The following LIPN variants were observed in gnomAD, a reference collection of about 807,000 sequenced individuals.
The protein encoded by LIPN is lipase member N.
LIPN carries 32 observed loss-of-function variants against 43.7 expected under a neutral mutation model. That is an observed-to-expected ratio of 0.73 (90% CI 0.55 to 0.98). The LOEUF (loss-of-function observed/expected upper bound fraction) is 0.98, where lower values mean the gene tolerates loss of function less well. Ranked by LOEUF, LIPN falls within the 50% of genes least tolerant of loss-of-function variation. LIPN has a pLI of 0.00. For missense variants in LIPN, 505 were observed against 483.8 expected (o/e 1.04, Z -0.41); for synonymous variants, 156 against 157.6 (o/e 0.99, Z 0.08).
At chr10:88,760,626 T>G (rs1038753840) in intron 1 of LIPN, among the ~76,000 whole-genome samples, 2 of 152,158 alleles carry the variant, frequency 1.3e-5, no homozygotes, top group Non-Finnish European at 2.9e-5. Flanking sequence ...AAATGTTATA[T>G]ATGACTTAAT....
chr10:88,766,171 C>T lies in LIPN; in HGVS notation c.426-98C>T. 11 of 681,092 alleles carry T rather than the reference C, an allele frequency of 1.6e-5. No individual in the cohort carries two copies. In the South Asian group the frequency reaches 2.0e-4, roughly 12 times the overall value. The allele number at this position is 681,092 out of a possible 1,614,324, so 42.2% of individuals were successfully genotyped here. ...GAAATACACATTGAATCTAAGTAAA[C>T]AGCATAGAATCTGGGTGTAAAAAAG... is the stretch of plus-strand genomic sequence containing the variant. On this transcript the variant is annotated intron_variant, in intron 4 of 9. Coordinates refer to ENST00000404459, the MANE Select transcript of LIPN (RefSeq NM_001102469.2).
chr10:88,757,722 G>T (rs549809683), upstream of LIPN, among the ~76,000 whole-genome samples: 1 of 152,032 alleles, frequency 6.6e-6, no homozygotes, highest in Non-Finnish European at 1.5e-5. Context: ...TCCCAACTTC[G>T]CTTTGAGTAA....
At chr10:88,766,548 G>T (rs1174641309) in intron 5 of LIPN, among the ~76,000 whole-genome samples, 170 bp downstream of exon 5, 4 of 151,896 alleles carry the variant, frequency 2.6e-5, no homozygotes, top group Non-Finnish European at 5.9e-5. Flanking sequence ...TGAGCCTGCA[G>T]TGCACAGACT....
At position 88,761,383 on chromosome 10, in the gene LIPN, A is replaced by G. The variant is rs1186082549; in HGVS notation, c.-8-15A>G. The G allele has an allele frequency of 1.4e-6, 2 of 1,391,840 alleles. No individual in the cohort carries two copies. The highest frequency in any genetic ancestry group is 1.0e-6 in the Non-Finnish European group (1 of 978,484). 86.2% of individuals were successfully genotyped at this position (1,391,840 alleles called of 1,614,324 possible). On this transcript the variant is annotated splice_polypyrimidine_tract_variant and intron_variant, in intron 1 of 9. Transcript: ENST00000404459. ...AGTTAAAATTAATCTGTGAATATTA[A>G]ATGTTTTATGCCAGGCATTTCTATG...
At chr10:88,768,015 TACACACACACACACACACAC>T (rs60861050) in intron 5 of LIPN, among the ~76,000 whole-genome samples, 4,141 of 141,052 alleles carry the variant, frequency 0.029, 169 homozygotes, top group African/African-American at 0.089. Flanking sequence ...AGTGTTTCAG[TACACACACACACACACACAC>T]ACACACACAC....
At chr10:88,768,035 C>T (rs1324309823) in intron 5 of LIPN, among the ~76,000 whole-genome samples, 1 of 141,416 alleles carries the variant, frequency 7.1e-6, no homozygotes, top group Admixed American at 6.9e-5. Flanking sequence ...CACACACACA[C>T]ACACACACAC....
Position 88,768,777 on chromosome 10 carries a change from C to T in LIPN, c.536-15C>T, listed in dbSNP as rs376426493. 2.5e-4 allele frequency: 407 copies of T among 1,607,110 alleles called. No individual in the cohort carries two copies. The Middle Eastern group carries it at 3.3e-3, about 13-fold the overall frequency. On this transcript the variant is annotated splice_polypyrimidine_tract_variant and intron_variant, in intron 5 of 9. Transcript: ENST00000404459. Reference sequence around the variant, plus strand: ...ATTTATTTTTACAAGATTGTCTTATCTCCTGTTCTCTCAGGGTTTGTAGCC... The same window carrying T: ...ATTTATTTTTACAAGATTGTCTTATTTCCTGTTCTCTCAGGGTTTGTAGCC...
chr10:88,760,595 A>G (rs911774273), intron 1 of LIPN, among the ~76,000 whole-genome samples: 2 of 152,150 alleles, frequency 1.3e-5, no homozygotes, highest in African/African-American at 4.8e-5. Context: ...GAAAGCATTT[A>G]TTAAGAACTT....
At chr10:88,757,362 G>C (rs1842938782), upstream of LIPN, among the ~76,000 whole-genome samples, 1 of 152,098 alleles carries the variant, frequency 6.6e-6, no homozygotes, top group Non-Finnish European at 1.5e-5. Flanking sequence ...GGTCCTGATC[G>C]TGTCACTCCG....
At chr10:88,769,484 T>C in intron 6 of LIPN, 1 of 572,218 alleles carries the variant, frequency 1.7e-6, no homozygotes, top group Non-Finnish European at 2.2e-6. Flanking sequence ...GGTTGCCAAT[T>C]GTGGATTTGG....
Position 88,771,112 on chromosome 10 carries a change from A to AT in LIPN, c.819+130dup, listed in dbSNP as rs201501245. On this transcript the variant is annotated intron_variant, in intron 7 of 9. Coordinates refer to ENST00000404459, the MANE Select transcript of LIPN (RefSeq NM_001102469.2). ...TGGTATTCCAAACCCTTAAAGACAG[A>AT]TTTTTTTTTGCTTTTAAAAATGTTT... 5,814 of 822,488 alleles carry AT rather than the reference A, an allele frequency of 7.1e-3. 121 individuals carry two copies. The highest frequency in any genetic ancestry group is 0.068 in the East Asian group (2,372 of 35,140). The allele number at this position is 822,488 out of a possible 1,614,324, so 50.9% of individuals were successfully genotyped here.
At chr10:88,777,373 T>A (rs562514239) in intron 9 of LIPN, among the ~76,000 whole-genome samples, 45 of 152,194 alleles carry the variant, frequency 3.0e-4, no homozygotes, top group African/African-American at 1.1e-3. Context: ...TAGCTTTAAT[T>A]TGGACCATTT....
chr10:88,764,833 G>A (rs149505790), intron 4 of LIPN, among the ~76,000 whole-genome samples: 3 of 151,900 alleles, frequency 2.0e-5, no homozygotes, highest in Non-Finnish European at 2.9e-5. Context: ...CCAATTCTGT[G>A]AATTCTATGC....
chr10:88,777,241 C>T (rs1234873092), intron 9 of LIPN, among the ~76,000 whole-genome samples: 2 of 151,968 alleles, frequency 1.3e-5, no homozygotes. Context: ...TCTGATTTTC[C>T]TTCTGTTTGT....
chr10:88,776,627 C>G (rs963010763), intron 9 of LIPN, among the ~76,000 whole-genome samples: 1 of 152,070 alleles, frequency 6.6e-6, no homozygotes, highest in African/African-American at 2.4e-5. Flanking sequence ...TCTGCTATAT[C>G]TATATTTTAT....
chr10:88,776,242 A>G (rs1477345871), intron 9 of LIPN, among the ~76,000 whole-genome samples: 1 of 152,072 alleles, frequency 6.6e-6, no homozygotes, highest in African/African-American at 2.4e-5. Flanking sequence ...AGTAAATGTT[A>G]AAGTGGTTAT....
chr10:88,773,383 G>T (rs898463707), intron 7 of LIPN, among the ~76,000 whole-genome samples: 2 of 151,802 alleles, frequency 1.3e-5, no homozygotes, highest in Non-Finnish European at 2.9e-5. Flanking sequence ...GAATATATTG[G>T]ATTAAAAATA....
At chr10:88,770,027 T>C (rs1415226038) in intron 6 of LIPN, among the ~76,000 whole-genome samples, 3 of 151,908 alleles carry the variant, frequency 2.0e-5, no homozygotes, top group Non-Finnish European at 2.9e-5. Flanking sequence ...TCTTCCTACA[T>C]AGGTCAGCTA....
rs560628420 is a variant in LIPN, at chr10:88,778,402, G to C, written c.*160G>C. Among the ~76,000 whole-genome samples the C allele has an allele frequency of 6.6e-6, 1 of 152,208 alleles. No individual in the cohort carries two copies. The highest frequency in any genetic ancestry group is 2.1e-4 in the South Asian group (1 of 4,826). ...ATTGTGTTAGTGTTATTTATGTTTAGAGACATCTTTGCATGGGACCATCTA... is the reference window on the plus strand; with the variant it reads ...ATTGTGTTAGTGTTATTTATGTTTACAGACATCTTTGCATGGGACCATCTA... On this transcript the variant is annotated 3_prime_UTR_variant, in exon 10 of 10. Transcript: ENST00000404459.
Sources: gnomAD v4.1 joint callset for allele counts (sites outside exome capture counted in the v4.1 genomes callset) on GRCh38, gnomAD v4.1.1 for gene constraint, MANE v1.5 for transcripts, NCBI Gene and HGNC (gene_info 2026-07-23, HGNC 2026-07-21) for gene names.